Variants in PKIB observed in about 807,000 individuals in gnomAD.
The protein encoded by PKIB is PKI-beta.
A neutral mutation model predicts 4.5 loss-of-function variants in PKIB; 2 were observed. The ratio of observed to expected loss-of-function variants is 0.44; its 90% CI spans 0.18 to 1.39. The LOEUF is 1.39. PKIB is among the 40% of genes most tolerant of loss of function. The probability of loss-of-function intolerance (pLI) is 0.27; values close to 1 mark genes in which losing one functional copy is unlikely to be tolerated. For missense variants in PKIB, 94 were observed against 92.6 expected (o/e 1.02, Z -0.06); for synonymous variants, 38 against 36.0 (o/e 1.06, Z -0.20).
rs1326692556 is a variant in PKIB, at chr6:122,725,842, A to C, written c.*647A>C. On this transcript the variant is annotated 3_prime_UTR_variant, in exon 5 of 5. Coordinates refer to ENST00000368452, the MANE Select transcript of PKIB (RefSeq NM_181795.3). ...TGTGGAAAATGCAAAATTTGTAACA[A>C]AATGGTTATATGGAACATGCCTATT... 6.6e-6 allele frequency: 1 copy of C among 152,240 alleles called. No homozygotes were observed. Among genetic ancestry groups the C allele is most frequent in the African/African-American group, 2.4e-5 (1 of 41,440 alleles). 9.4% of individuals were successfully genotyped at this position (152,240 alleles called of 1,614,324 possible). A position where few individuals can be genotyped will look rare whatever the true frequency, so the allele number is the denominator to read the frequency against.
chr6:122,630,125 AT>A (rs774248797), intron 1 of PKIB, among the ~76,000 whole-genome samples: 1 of 152,192 alleles, frequency 6.6e-6, no homozygotes, highest in Non-Finnish European at 1.5e-5. Context: ...TTGTAAAAAA[AT>A]ATGTTAAAAA....
At chr6:122,582,363 T>A (rs1395579890) in intron 2 of PKIB, among the ~76,000 whole-genome samples, 1 of 152,030 alleles carries the variant, frequency 6.6e-6, no homozygotes, top group Non-Finnish European at 1.5e-5. Context: ...TGGCTACTGT[T>A]TAACAACCCA....
intron 2 of PKIB, among the ~76,000 whole-genome samples, chr6:122,576,710 A>ATATATATATATATATTT (rs59569106): frequency 1.8e-5 from 2 of 109,992 alleles, no homozygotes; most frequent in East Asian, 6.4e-4. Context: ...ATATATATAT[A>ATATATATATATATATTT]TTTTCTTTTG....
At chr6:122,492,949 T>G (rs923687786) in intron 2 of PKIB, among the ~76,000 whole-genome samples, 6 of 152,184 alleles carry the variant, frequency 3.9e-5, no homozygotes, top group South Asian at 2.1e-4. Flanking sequence ...TGACTTTTAT[T>G]ACTTCTACTC....
At chr6:122,487,875 C>T (rs960919612) in intron 2 of PKIB, among the ~76,000 whole-genome samples, 1 of 152,160 alleles carries the variant, frequency 6.6e-6, no homozygotes, top group Non-Finnish European at 1.5e-5. Flanking sequence ...GTGTTCTTCT[C>T]ATTGTATTAA....
At chr6:122,567,096 T>G (rs1323156049) in intron 2 of PKIB, among the ~76,000 whole-genome samples, 1 of 152,222 alleles carries the variant, frequency 6.6e-6, no homozygotes, top group Non-Finnish European at 1.5e-5. Context: ...TGGTAGATGC[T>G]GCCCTTGGCC....
chr6:122,595,627 T>C (rs111874883), intron 3 of PKIB, among the ~76,000 whole-genome samples: 79 of 152,268 alleles, frequency 5.2e-4, no homozygotes, highest in Middle Eastern at 3.4e-3. Flanking sequence ...TGCCACTAGG[T>C]TGCTGGCTGA....
chr6:122,535,309 G>A (rs1419562693), intron 2 of PKIB, among the ~76,000 whole-genome samples: 2 of 152,142 alleles, frequency 1.3e-5, no homozygotes, highest in African/African-American at 4.8e-5. Context: ...AACATAATTA[G>A]TAAATCACTG....
chr6:122,701,123 A>G (rs1462580726), intron 3 of PKIB: 1 of 225,352 alleles, frequency 4.4e-6, no homozygotes, highest in African/African-American at 2.3e-5. Context: ...ATGAGAGTGC[A>G]AGCAATAGCA....
At chr6:122,540,970 T>G (rs1582686330) in intron 2 of PKIB, among the ~76,000 whole-genome samples, 1 of 150,322 alleles carries the variant, frequency 6.7e-6, no homozygotes, top group African/African-American at 2.5e-5. Context: ...TTTGTTGGTT[T>G]AAAGTCTGTT....
intron 2 of PKIB, among the ~76,000 whole-genome samples, chr6:122,505,068 A>G (rs1776355681): frequency 6.6e-6 from 1 of 152,252 alleles, no homozygotes; most frequent in South Asian, 2.1e-4. Context: ...ACAGGGAGGC[A>G]GTACGTCATA....
At chr6:122,648,278 G>A (rs1776404312) in intron 2 of PKIB, among the ~76,000 whole-genome samples, 1 of 152,178 alleles carries the variant, frequency 6.6e-6, no homozygotes, top group African/African-American at 2.4e-5. Flanking sequence ...TTCTCTGGTG[G>A]ATTGCTAAGT....
intron 1 of PKIB, among the ~76,000 whole-genome samples, chr6:122,615,031 G>A (rs966596420): frequency 6.6e-6 from 1 of 151,978 alleles, no homozygotes; most frequent in African/African-American, 2.4e-5. Context: ...GGTGGATTTT[G>A]TTACACTCCA....
chr6:122,659,345 C>T lies in PKIB; in HGVS notation c.-75-15733C>T, dbSNP rs184248840. Among the ~76,000 whole-genome samples the T allele has an allele frequency of 1.8e-3, 274 of 152,272 alleles. 1 individual carries two copies. The highest frequency in any genetic ancestry group is 6.3e-3 in the African/African-American group (262 of 41,554). ...ATTGTTGACATCTGAAAGATTCATT[C>T]CTTACTGTGCTGTTTCCCTCAGAGA... On this transcript the variant is annotated intron_variant, in intron 2 of 4. Coordinates refer to ENST00000368452, the MANE Select transcript of PKIB (RefSeq NM_181795.3).
intron 2 of PKIB, among the ~76,000 whole-genome samples, chr6:122,511,813 T>A (rs910125864): frequency 1.3e-5 from 2 of 152,258 alleles, no homozygotes; most frequent in African/African-American, 4.8e-5. Context: ...ATTTTCTTTG[T>A]GTTCAAACAA....
chr6:122,599,208 A>G (rs188116470), intron 3 of PKIB, among the ~76,000 whole-genome samples: 1 of 152,274 alleles, frequency 6.6e-6, no homozygotes, highest in Admixed American at 6.5e-5. Context: ...ACAGAGGTGG[A>G]AAGGCTGATG....
intron 3 of PKIB, among the ~76,000 whole-genome samples, chr6:122,697,355 A>G (rs1163217618): frequency 6.6e-6 from 1 of 152,046 alleles, no homozygotes; most frequent in Non-Finnish European, 1.5e-5. Flanking sequence ...GCTTTATGCT[A>G]CAATTGATCA....
chr6:122,541,410 TGTAAA>T (rs1777595806), intron 2 of PKIB, among the ~76,000 whole-genome samples: 1 of 151,796 alleles, frequency 6.6e-6, no homozygotes, highest in Non-Finnish European at 1.5e-5. Flanking sequence ...TTTGCTTGTC[TGTAAA>T]GTATTTTATT....
intron 2 of PKIB, among the ~76,000 whole-genome samples, chr6:122,527,311 AT>A (rs76104021): frequency 1.1e-3 from 167 of 150,226 alleles, no homozygotes; most frequent in Non-Finnish European, 1.6e-3. Context: ...TTTTATAAGA[AT>A]TTTTTTTTTG....
Sources: gnomAD v4.1 joint callset for allele counts (sites outside exome capture counted in the v4.1 genomes callset) on GRCh38, gnomAD v4.1.1 for gene constraint, MANE v1.5 for transcripts, NCBI Gene and HGNC (gene_info 2026-07-23, HGNC 2026-07-21) for gene names.